TPRA1: variants seen among roughly 807,000 people sequenced by gnomAD.
TPRA1 encodes transmembrane protein adipocyte associated 1.
Under a neutral mutation model 40.1 loss-of-function variants are expected in TPRA1, and 28 were observed. The observed-to-expected ratio is 0.70, with a 90% CI of 0.52 to 0.96. The LOEUF is 0.96. Among genes scored for constraint, TPRA1 ranks in the 40% least tolerant of loss-of-function variants. TPRA1 has a pLI of 0.00. For missense variants in TPRA1, 441 were observed against 482.6 expected, an observed-to-expected ratio of 0.91 and a Z score of 0.81; for synonymous variants, 219 against 209.7, an observed-to-expected ratio of 1.04 and a Z score of -0.38.
At chr3:127,577,742 C>T (rs1396708398) in intron 3 of TPRA1, among the ~76,000 whole-genome samples, 2 of 152,202 alleles carry the variant, frequency 1.3e-5, no homozygotes, top group African/African-American at 4.8e-5. Flanking sequence ...ACCCCCACTT[C>T]GGTGGTTCCA....
chr3:127,574,746 A>G (rs1390344697), intron 10 of TPRA1, among the ~76,000 whole-genome samples: 1 of 152,188 alleles, frequency 6.6e-6, no homozygotes, highest in Non-Finnish European at 1.5e-5. Flanking sequence ...TCGTGGGGAG[A>G]GTATGTCTGT....
At chr3:127,597,871 G>A in intron 1 of TPRA1, 1 of 158,006 alleles carries the variant, frequency 6.3e-6, no homozygotes, top group Non-Finnish European at 1.4e-5. Context: ...GCAGTGGCGG[G>A]ATCTCGGCTC....
intron 1 of TPRA1, among the ~76,000 whole-genome samples, chr3:127,581,963 C>A (rs1359254091): frequency 6.6e-6 from 1 of 151,522 alleles, no homozygotes; most frequent in Non-Finnish European, 1.5e-5. Flanking sequence ...TTTGTCCCGA[C>A]AACACATCAA....
In TPRA1 at chr3:127,571,642, T is replaced by C. The variant is rs1243126638; in HGVS notation, c.*1879A>G. 6.6e-6 allele frequency: 1 copy of C among 152,140 alleles called. No homozygotes were observed. The highest frequency in any genetic ancestry group is 1.5e-5 in the Non-Finnish European group (1 of 68,036). 9.4% of individuals were successfully genotyped at this position (152,140 alleles called of 1,614,324 possible). On this transcript the variant is annotated 3_prime_UTR_variant, in exon 11 of 11. Transcript: ENST00000355552. ...GACATTAGCATTACAGAAAGAGGGA[T>C]GATATACACATCCGTTGGTGTGAAC...
intron 8 of TPRA1, 36 bp from the exon 9 acceptor site, chr3:127,575,541 C>T (rs377752757): frequency 6.6e-7 from 1 of 1,506,910 alleles, no homozygotes. Context: ...GAGGTCCCAC[C>T]CTGGACAGGC....
rs543265267 is a variant in TPRA1, at chr3:127,590,434, A to ACCGGCCGCCCCGGCCGCC, written c.-60_-43dup. ...CCTGACAGCCCGGGCCGCGCTCAGGACCGGCCGCCCCGGCCGCCCCGGCCG... is the reference window on the plus strand; with the variant it reads ...CCTGACAGCCCGGGCCGCGCTCAGGACCGGCCGCCCCGGCCGCCCCGGCCGCCCCGGCCGCCCCGGCCG... On this transcript the variant is annotated 5_prime_UTR_variant, in exon 1 of 11. Transcript: ENST00000355552. The ACCGGCCGCCCCGGCCGCC allele has an allele frequency of 6.6e-6, 1 of 152,092 alleles. No individual in the cohort carries two copies. The highest frequency in any genetic ancestry group is 1.9e-4 in the East Asian group (1 of 5,152). The allele number at this position is 152,092 out of a possible 1,614,324, so 9.4% of individuals were successfully genotyped here. A position where few individuals can be genotyped will look rare whatever the true frequency, so the allele number is the denominator to read the frequency against.
chr3:127,595,178 A>T (rs992000230), upstream of TPRA1, among the ~76,000 whole-genome samples: 1 of 152,220 alleles, frequency 6.6e-6, no homozygotes, highest in African/African-American at 2.4e-5. Context: ...TGAATACCAG[A>T]AGGCAAGGGC....
At chr3:127,575,670 C>A (rs2073587831) in intron 8 of TPRA1, 79 bp downstream of exon 8, 1 of 1,565,400 alleles carries the variant, frequency 6.4e-7, no homozygotes, top group Non-Finnish European at 8.8e-7. Context: ...AGCTCCAGCT[C>A]CCAGCTACCA....
In TPRA1 at chr3:127,580,136, A is replaced by T; in HGVS notation, c.11T>A (p.Leu4Gln). 1.2e-6 allele frequency: 2 copies of T among 1,612,744 alleles called. No individual in the cohort carries two copies. Among genetic ancestry groups the T allele is most frequent in the Non-Finnish European group, 1.7e-6 (2 of 1,179,908 alleles). Residue 4 changes from leucine to glutamine, a missense_variant, in exon 2 of 11, where the codon CTG (leucine) becomes CAG (glutamine). Leu to Gln is a moderately radical substitution (Grantham distance 113, BLOSUM62 -2). Transcript: ENST00000355552. ...CCCATTGGCCCAAGTCACCTCCTCCAGGGTGTCCATCCCGCCAGCAGCCAG... is the reference window on the plus strand; with the variant it reads ...CCCATTGGCCCAAGTCACCTCCTCCTGGGTGTCCATCCCGCCAGCAGCCAG... MDT[L>Q]EEVTWANGST...
rs988455234 is a variant in TPRA1, at chr3:127,574,936, G to A, written c.854+249C>T. 6 of 559,510 alleles carry A rather than the reference G, an allele frequency of 1.1e-5. No individual in the cohort carries two copies. In the Admixed American group the frequency reaches 1.3e-4, roughly 12 times the overall value. The allele number at this position is 559,510 out of a possible 1,614,324, so 34.7% of individuals were successfully genotyped here. ...TATGTGCGTGTTTGTGTGTGCATGT[G>A]CATGTGTGCATGCTTGTGCATCCGT... On this transcript the variant is annotated intron_variant, in intron 10 of 10. Coordinates refer to ENST00000355552, the MANE Select transcript of TPRA1 (RefSeq NM_001136053.4).
chr3:127,579,755 G>A lies in TPRA1; in HGVS notation c.243C>T (p.Ile81=). 6.2e-7 allele frequency: 1 copy of A among 1,614,152 alleles called. No homozygotes were observed. Among genetic ancestry groups the A allele is most frequent in the East Asian group, 2.2e-5 (1 of 44,890 alleles). Residue 81 remains isoleucine, a synonymous_variant, in exon 3 of 11, where the codon ATC becomes ATT. Coordinates refer to ENST00000355552, the MANE Select transcript of TPRA1 (RefSeq NM_001136053.4). ...GTGAACTCACCAGGATGTAGAAGGT[G>A]ATAAAAATGGGGCTGGAGGTGATGC... ...KIRITSSPIF[I]TFYILVFVVA...
chr3:127,576,565 G>T lies in TPRA1; in HGVS notation c.498+52C>A. 6.6e-7 allele frequency: 1 copy of T among 1,511,144 alleles called. No individual in the cohort carries two copies. 93.6% of individuals were successfully genotyped at this position (1,511,144 alleles called of 1,614,324 possible). A position where few individuals can be genotyped will look rare whatever the true frequency, so the allele number is the denominator to read the frequency against. ...ACCTGACCCAGACCCAGAAGCAGTG[G>T]GTGCCTGGTGCCCTGACTCCTAGCG... On this transcript the variant is annotated intron_variant, in intron 6 of 10. Coordinates refer to ENST00000355552, the MANE Select transcript of TPRA1 (RefSeq NM_001136053.4). The surrounding 1 kb of genome is among the most constrained non-coding windows in gnomAD (Gnocchi z 4.6).
At chr3:127,578,713 G>A (rs979199290) in intron 3 of TPRA1, among the ~76,000 whole-genome samples, 1 of 152,168 alleles carries the variant, frequency 6.6e-6, no homozygotes, top group East Asian at 1.9e-4. Flanking sequence ...GGGACATCAG[G>A]CCACTACAAC....
chr3:127,592,051 T>C (rs547421967), upstream of TPRA1: 7 of 152,372 alleles, frequency 4.6e-5, no homozygotes, highest in African/African-American at 1.4e-4. Flanking sequence ...TTTAGGCTTC[T>C]ATATTCGCCA....
upstream of TPRA1, among the ~76,000 whole-genome samples, chr3:127,592,378 T>TG (rs1229064537): frequency 2.4e-4 from 33 of 137,484 alleles, no homozygotes; most frequent in South Asian, 5.2e-3. Flanking sequence ...TTTTTTTTTT[T>TG]TTTTTTTTTT....
At chr3:127,584,447 TAAAAAAAAAAAAAAAAAAAAAAAA>T (rs1163065087) in intron 1 of TPRA1, among the ~76,000 whole-genome samples, 1 of 20,870 alleles carries the variant, frequency 4.8e-5, no homozygotes, top group Non-Finnish European at 7.8e-5. Context: ...AGACCCTGTC[TAAAAAAAAAAAAAAAAAAAAAAAA>T]AAAAAAAAAG....
At chr3:127,575,599 CG>C in intron 8 of TPRA1, 94 bp from the exon 9 acceptor site, 3 of 1,459,816 alleles carry the variant, frequency 2.1e-6, no homozygotes, top group South Asian at 1.3e-5. Flanking sequence ...GTGTGTCCCC[CG>C]GGGCCCCTCT....
At chr3:127,596,309 C>T (rs879666063) in intron 1 of TPRA1, among the ~76,000 whole-genome samples, 15 of 152,226 alleles carry the variant, frequency 9.9e-5, no homozygotes, top group Middle Eastern at 3.4e-3. Flanking sequence ...GAACTCCTGA[C>T]CTCAGGTGAT....
In TPRA1 at chr3:127,576,655, T is replaced by TA. The variant is rs772813944; in HGVS notation, c.459_460insT (p.Ile154TyrfsTer22). ...TAGGCCAGGGACAGCACTGTGGTGA[T>TA]GGCCAGCACCCGCTTGATGCTGGAC... On this transcript the variant is annotated frameshift_variant, in exon 6 of 11. Coordinates refer to ENST00000355552, the MANE Select transcript of TPRA1 (RefSeq NM_001136053.4). LOFTEE classifies it high-confidence loss of function. This position sits in a 1 kb window ranked among gnomAD's most constrained non-coding sequence, Gnocchi z 4.6. 3 of 1,610,920 alleles carry TA rather than the reference T, an allele frequency of 1.9e-6. No individual in the cohort carries two copies. In the African/African-American group the frequency reaches 4.0e-5, roughly 21 times the overall value.
Sources: gnomAD v4.1 joint callset for allele counts (sites outside exome capture counted in the v4.1 genomes callset) on GRCh38, gnomAD v4.1.1 for gene constraint, Gnocchi (gnomAD v3.1) non-coding constraint, MANE v1.5 for transcripts, NCBI Gene and HGNC (gene_info 2026-07-23, HGNC 2026-07-21) for gene names.